The following AGBL3 variants were observed in gnomAD, a reference collection of about 807,000 sequenced individuals.
AGBL3 encodes the protein AGBL carboxypeptidase 3.
AGBL3 carries 68 observed loss-of-function variants against 94.5 expected under a neutral mutation model. The observed-to-expected ratio is 0.72, with a 90% CI of 0.59 to 0.88. The LOEUF (loss-of-function observed/expected upper bound fraction) is 0.88, where lower values mean the gene tolerates loss of function less well. Ranked by LOEUF, AGBL3 falls within the 40% of genes least tolerant of loss-of-function variation. The pLI, the probability that AGBL3 is intolerant of heterozygous loss-of-function variation, is 0.00. For missense variants in AGBL3, 934 were observed against 1,103.8 expected (o/e 0.85, Z 2.18); for synonymous variants, 354 against 370.7 (o/e 0.95, Z 0.52).
chr7:135,086,721 C>T (rs1363583862), intron 15 of AGBL3, among the ~76,000 whole-genome samples: 1 of 151,842 alleles, frequency 6.6e-6, no homozygotes, highest in Non-Finnish European at 1.5e-5. Context: ...CAATGTGCTG[C>T]TGGGTTTAGG....
intron 11 of AGBL3, among the ~76,000 whole-genome samples, chr7:135,057,178 T>C (rs1818412961): frequency 6.6e-6 from 1 of 152,084 alleles, no homozygotes; most frequent in Admixed American, 6.6e-5. Context: ...TTGACAAATG[T>C]TACTGGAACA....
intron 16 of AGBL3, among the ~76,000 whole-genome samples, chr7:135,121,127 C>T (rs1050749065): frequency 2.0e-5 from 3 of 152,178 alleles, no homozygotes; most frequent in Non-Finnish European, 2.9e-5. Flanking sequence ...ATCACTTGAA[C>T]CCGGGAGGTG....
At chr7:135,049,691 ATTG>A (rs1291762414) in intron 11 of AGBL3, among the ~76,000 whole-genome samples, 1 of 151,652 alleles carries the variant, frequency 6.6e-6, no homozygotes, top group Non-Finnish European at 1.5e-5. Context: ...GATTATTTAG[ATTG>A]TTGTTATACC....
At chr7:135,014,896 T>A (rs1813586926) in intron 4 of AGBL3, among the ~76,000 whole-genome samples, 1 of 152,206 alleles carries the variant, frequency 6.6e-6, no homozygotes, top group Admixed American at 6.5e-5. Context: ...TTTTCACAGC[T>A]CGAGTTTGCA....
intron 4 of AGBL3, among the ~76,000 whole-genome samples, chr7:135,008,388 T>C (rs1351934543): frequency 2.0e-5 from 3 of 152,064 alleles, no homozygotes; most frequent in Non-Finnish European, 4.4e-5. Flanking sequence ...AGGAAGAGCA[T>C]TGTCTTTTCA....
At chr7:135,082,977 C>T (rs1022028437) in intron 15 of AGBL3, among the ~76,000 whole-genome samples, 7 of 152,216 alleles carry the variant, frequency 4.6e-5, no homozygotes, top group African/African-American at 1.7e-4. Context: ...ACACTAAATG[C>T]TCTTCCTCAC....
intron 15 of AGBL3, among the ~76,000 whole-genome samples, chr7:135,087,912 T>G (rs1230159775): frequency 6.6e-6 from 1 of 152,060 alleles, no homozygotes; most frequent in African/African-American, 2.4e-5. Flanking sequence ...ATGACAGTGA[T>G]GTGTTAAAGT....
chr7:135,112,306 G>A (rs10155910), intron 15 of AGBL3, among the ~76,000 whole-genome samples: 77,681 of 152,006 alleles, frequency 0.51, 20,128 homozygotes, highest in South Asian at 0.66. Flanking sequence ...ATTTTCTTGC[G>A]TAAAATCTTC....
chr7:135,110,528 C>G (rs1825476809), intron 15 of AGBL3, among the ~76,000 whole-genome samples: 1 of 152,278 alleles, frequency 6.6e-6, no homozygotes, highest in African/African-American at 2.4e-5. Context: ...CTGCAAAGAT[C>G]TGTGGGAGAA....
intron 12 of AGBL3, among the ~76,000 whole-genome samples, chr7:135,075,448 A>T (rs1158017193): frequency 6.6e-6 from 1 of 152,082 alleles, no homozygotes; most frequent in Non-Finnish European, 1.5e-5. Flanking sequence ...GTATTCCGTG[A>T]TATGGATTTA....
intron 15 of AGBL3, among the ~76,000 whole-genome samples, chr7:135,096,775 GAA>G (rs1554516788): frequency 6.7e-6 from 1 of 148,540 alleles, no homozygotes; most frequent in African/African-American, 2.5e-5. Flanking sequence ...AAGAAAGAAA[GAA>G]AGAAAGAAAG....
At chr7:135,021,056 A>AT (rs1386866232) in intron 5 of AGBL3, among the ~76,000 whole-genome samples, 3 of 13,452 alleles carry the variant, frequency 2.2e-4, no homozygotes, top group Non-Finnish European at 1.9e-3. Context: ...TTAAATAATA[A>AT]AAAAAAAAAA....
chr7:135,017,362 C>T (rs913778610), intron 5 of AGBL3, among the ~76,000 whole-genome samples: 2 of 152,164 alleles, frequency 1.3e-5, no homozygotes, highest in African/African-American at 4.8e-5. Context: ...TGCAAAGTTA[C>T]TTTAAAATTA....
intron 3 of AGBL3, among the ~76,000 whole-genome samples, chr7:134,991,201 T>TC (rs1489064986): frequency 1.2e-5 from 1 of 80,428 alleles, no homozygotes; most frequent in African/African-American, 4.4e-5. Context: ...TGTGTGTGGG[T>TC]GGGGGGGGGG....
intron 15 of AGBL3, chr7:135,093,382 G>C (rs775126950): frequency 4.6e-5 from 7 of 152,056 alleles, no homozygotes; most frequent in Non-Finnish European, 1.0e-4. Flanking sequence ...GCAAAAATCA[G>C]TTGTAATGAA....
At chr7:135,054,695 T>G (rs1424033589) in intron 11 of AGBL3, among the ~76,000 whole-genome samples, 1 of 152,220 alleles carries the variant, frequency 6.6e-6, no homozygotes, top group African/African-American at 2.4e-5. Context: ...CTTAAAAACA[T>G]AAATATGTGT....
intron 13 of AGBL3, among the ~76,000 whole-genome samples, chr7:135,077,265 C>G (rs1585020056): frequency 6.6e-6 from 1 of 152,182 alleles, no homozygotes; most frequent in Admixed American, 6.5e-5. Flanking sequence ...GACAGAGGCT[C>G]TACTTCAGGT....
At chr7:134,995,412 T>A (rs796792179) in intron 4 of AGBL3, 5 of 152,398 alleles carry the variant, frequency 3.3e-5, no homozygotes, top group African/African-American at 1.2e-4. Flanking sequence ...GCCCTCACTT[T>A]CAGCCGTCAT....
At chr7:135,076,102 C>G (rs975857309) in intron 12 of AGBL3, among the ~76,000 whole-genome samples, 1 of 152,158 alleles carries the variant, frequency 6.6e-6, no homozygotes, top group Non-Finnish European at 1.5e-5. Flanking sequence ...ACTGGCATTT[C>G]TGGGTTGCTG....
Sources: gnomAD v4.1 joint callset for allele counts (sites outside exome capture counted in the v4.1 genomes callset) on GRCh38, gnomAD v4.1.1 for gene constraint, MANE v1.5 for transcripts, NCBI Gene and HGNC (gene_info 2026-07-23, HGNC 2026-07-21) for gene names.